The following ANKFN1 variants were observed in gnomAD, a reference collection of about 807,000 sequenced individuals.
ANKFN1 encodes the protein ankyrin repeat and fibronectin type-III domain-containing protein 1.
A neutral mutation model predicts 108.7 loss-of-function variants in ANKFN1; 74 were observed. The observed-to-expected ratio is 0.68, with a 90% CI of 0.56 to 0.83. The LOEUF is 0.83. Among genes scored for constraint, ANKFN1 ranks in the 40% least tolerant of loss-of-function variants. ANKFN1 has a pLI of 0.00. For missense variants in ANKFN1, 1,505 were observed against 1,382.3 expected (o/e 1.09, Z -1.41); for synonymous variants, 547 against 516.2 (o/e 1.06, Z -0.81).
chr17:56,433,408 GT>G (rs573638846), intron 8 of ANKFN1, among the ~76,000 whole-genome samples: 205 of 151,766 alleles, frequency 1.4e-3, no homozygotes, highest in African/African-American at 4.4e-3. Context: ...TCAATTTTTT[GT>G]GCTATTTAAA....
At position 56,350,856 on chromosome 17, in the gene ANKFN1, C is replaced by G. The variant is rs1179457898; in HGVS notation, c.279C>G (p.Ala93=). Residue 93 remains alanine, a synonymous_variant, in exon 5 of 21, where the codon GCC becomes GCG. Coordinates refer to ENST00000682825, the MANE Select transcript of ANKFN1 (RefSeq NM_001370326.1). ...KHSAPSSPNA[A]KRLYRNLSEK... The stretch of plus-strand genomic sequence containing the variant: ...GTGCTCCCTCATCTCCCAACGCAGC[C>G]AAACGCCTGTACAGGAACCTCTCTG... The G allele has an allele frequency of 6.2e-7, 1 of 1,613,746 alleles. No homozygotes were observed. Among genetic ancestry groups the G allele is most frequent in the Non-Finnish European group, 8.5e-7 (1 of 1,179,894 alleles).
intron 3 of ANKFN1, among the ~76,000 whole-genome samples, chr17:56,242,318 G>A (rs952954787): frequency 2.0e-5 from 3 of 151,908 alleles, no homozygotes; most frequent in African/African-American, 4.8e-5. Flanking sequence ...TTGTTATACT[G>A]TACTATTCCG....
chr17:56,177,138 T>C (rs1911243156), intron 1 of ANKFN1, among the ~76,000 whole-genome samples: 1 of 152,182 alleles, frequency 6.6e-6, no homozygotes, highest in Admixed American at 6.5e-5. Flanking sequence ...GATTCCAGCC[T>C]GACCGGCAGA....
intron 3 of ANKFN1, among the ~76,000 whole-genome samples, chr17:56,314,139 C>T (rs2045127177): frequency 6.6e-6 from 1 of 152,120 alleles, no homozygotes; most frequent in Admixed American, 6.5e-5. Context: ...GAGTAATAGT[C>T]CATAGAATGA....
intron 8 of ANKFN1, among the ~76,000 whole-genome samples, chr17:56,394,335 A>G (rs1598518820): frequency 6.6e-6 from 1 of 152,154 alleles, no homozygotes; most frequent in Admixed American, 6.5e-5. Flanking sequence ...TGATTATGTC[A>G]CCAACTTAGT....
At chr17:56,406,528 T>C (rs1481226244) in intron 8 of ANKFN1, among the ~76,000 whole-genome samples, 1 of 152,138 alleles carries the variant, frequency 6.6e-6, no homozygotes, top group African/African-American at 2.4e-5. Context: ...ATGACAGGAG[T>C]GTTTACGTAT....
At chr17:56,380,291 C>G (rs566638799) in intron 8 of ANKFN1, among the ~76,000 whole-genome samples, 2 of 152,202 alleles carry the variant, frequency 1.3e-5, no homozygotes, top group South Asian at 4.1e-4. Flanking sequence ...TTAAGAAAAA[C>G]TTTAGAAACA....
At chr17:56,288,911 A>T (rs1227582067) in intron 3 of ANKFN1, among the ~76,000 whole-genome samples, 1 of 152,168 alleles carries the variant, frequency 6.6e-6, no homozygotes, top group Non-Finnish European at 1.5e-5. Context: ...TGCTTCCATG[A>T]ATTTAATTAT....
chr17:56,133,528 C>CTGTG (rs10598270), intron 4 of ANKFN1, among the ~76,000 whole-genome samples: 5,466 of 146,282 alleles, frequency 0.037, 129 homozygotes, highest in Non-Finnish European at 0.051. Flanking sequence ...ATGTGTATAC[C>CTGTG]TGTGTGTGTG....
intron 8 of ANKFN1, among the ~76,000 whole-genome samples, chr17:56,380,992 G>A (rs1040641035): frequency 3.9e-5 from 6 of 152,206 alleles, no homozygotes; most frequent in Non-Finnish European, 8.8e-5. Flanking sequence ...CCTCAAGTGG[G>A]TCCCTGACCC....
intron 4 of ANKFN1, among the ~76,000 whole-genome samples, chr17:56,145,458 G>C (rs1294624943): frequency 6.6e-6 from 1 of 152,126 alleles, no homozygotes; most frequent in East Asian, 1.9e-4. Context: ...CATGGCAGAA[G>C]GCAAAGGAAA....
intron 4 of ANKFN1, among the ~76,000 whole-genome samples, chr17:56,051,975 G>A (rs370572328): frequency 1.1e-4 from 16 of 146,376 alleles, no homozygotes; most frequent in East Asian, 6.1e-4. Context: ...AATCAATATC[G>A]TGAAAATGGC....
intron 18 of ANKFN1, among the ~76,000 whole-genome samples, chr17:56,489,707 G>T (rs1490227894): frequency 2.0e-5 from 3 of 151,824 alleles, no homozygotes; most frequent in African/African-American, 7.3e-5. Context: ...TCATATTTTA[G>T]AAAGGGGAAA....
At chr17:56,458,397 G>T (rs2049786258) in intron 14 of ANKFN1, among the ~76,000 whole-genome samples, 1 of 151,464 alleles carries the variant, frequency 6.6e-6, no homozygotes, top group African/African-American at 2.4e-5. Context: ...TATGAAGATG[G>T]AAAAAAGAGA....
rs3052391 is a variant in ANKFN1 at position 56,503,486 on chromosome 17, CATATATATATATAT to C, written c.2644+4418_2644+4431del. Among the ~76,000 whole-genome samples, 417 of 81,518 alleles carry C rather than the reference CATATATATATATAT, an allele frequency of 5.1e-3. 13 individuals are homozygous for C. Among genetic ancestry groups the C allele is most frequent in the South Asian group, 0.012 (26 of 2,098 alleles). 53.5% of individuals were successfully genotyped at this position (81,518 alleles called of 152,430 possible). On this transcript the variant is annotated intron_variant, in intron 20 of 20. Transcript: ENST00000682825. ...AATAAATTCACTGAAGCACAAATTT[CATATATATATATAT>C]ATATATATATATATATATATATATA... is the stretch of plus-strand genomic sequence containing the variant.
chr17:56,394,220 C>G (rs2047515855), intron 8 of ANKFN1, among the ~76,000 whole-genome samples: 1 of 152,222 alleles, frequency 6.6e-6, no homozygotes, highest in South Asian at 2.1e-4. Context: ...TCACAGCTCT[C>G]TTCTCAGACC....
chr17:56,122,894 G>T (rs960784053), intron 4 of ANKFN1, among the ~76,000 whole-genome samples: 1 of 152,152 alleles, frequency 6.6e-6, no homozygotes, highest in African/African-American at 2.4e-5. Context: ...CTTCCATTTG[G>T]GTGGAGCTCA....
chr17:56,362,397 C>T (rs1031409153), intron 6 of ANKFN1, among the ~76,000 whole-genome samples: 16 of 152,164 alleles, frequency 1.1e-4, no homozygotes, highest in Non-Finnish European at 2.2e-4. Context: ...TGAAATATAT[C>T]GATGCCATTG....
intron 4 of ANKFN1, among the ~76,000 whole-genome samples, chr17:56,139,481 C>T (rs1907787654): frequency 6.6e-6 from 1 of 152,074 alleles, no homozygotes; most frequent in African/African-American, 2.4e-5. Context: ...GTGACCTGCT[C>T]AGTTGGTTGC....
Sources: gnomAD v4.1 joint callset for allele counts (sites outside exome capture counted in the v4.1 genomes callset) on GRCh38, gnomAD v4.1.1 for gene constraint, MANE v1.5 for transcripts, NCBI Gene and HGNC (gene_info 2026-07-23, HGNC 2026-07-21) for gene names.